ZNF609: variants seen among roughly 807,000 people sequenced by gnomAD.
The protein encoded by ZNF609 is zinc finger protein 609.
Under a neutral mutation model 109.5 loss-of-function variants are expected in ZNF609, and 11 were observed. The ratio of observed to expected loss-of-function variants is 0.10; its 90% CI spans 0.06 to 0.17. The LOEUF (loss-of-function observed/expected upper bound fraction) is 0.17, where lower values mean the gene tolerates loss of function less well. Among genes scored for constraint, ZNF609 ranks in the 10% least tolerant of loss-of-function variants. ZNF609 has a pLI of 1.00. For synonymous variants in ZNF609, 646 were observed against 662.0 expected, an observed-to-expected ratio of 0.98 and a Z score of 0.37; for missense variants, 1,559 against 1,772.4, an observed-to-expected ratio of 0.88 and a Z score of 2.16.
At chr15:64,528,192 G>T (rs1567006014) in intron 2 of ZNF609, among the ~76,000 whole-genome samples, 1 of 151,594 alleles carries the variant, frequency 6.6e-6, no homozygotes, top group South Asian at 2.1e-4. Context: ...CCACCTCCTG[G>T]GTTCAAGCGA....
At chr15:64,659,288 G>T (rs117558120) in intron 3 of ZNF609, among the ~76,000 whole-genome samples, 2 of 152,160 alleles carry the variant, frequency 1.3e-5, no homozygotes, top group African/African-American at 4.8e-5. Flanking sequence ...AACTGTGGTC[G>T]TAGGGAGTTA....
chr15:64,494,771 C>T (rs765441389), intron 1 of ZNF609, among the ~76,000 whole-genome samples: 18 of 152,040 alleles, frequency 1.2e-4, no homozygotes, highest in Non-Finnish European at 1.0e-4. Flanking sequence ...GTAATCCACC[C>T]GTCTAGGCCT....
chr15:64,607,629 C>T (rs954075421), intron 2 of ZNF609, among the ~76,000 whole-genome samples: 2 of 150,866 alleles, frequency 1.3e-5, no homozygotes, highest in East Asian at 3.9e-4. Flanking sequence ...TTCAGCCTCC[C>T]GAGTAGCTGG....
chr15:64,580,209 AAAGC>A (rs1230546719), intron 2 of ZNF609, among the ~76,000 whole-genome samples: 1 of 152,216 alleles, frequency 6.6e-6, no homozygotes, highest in East Asian at 1.9e-4. Context: ...AAGCCTAGAA[AAAGC>A]AAGAAAAATG....
At chr15:64,672,189 T>C (rs1896740660) in intron 4 of ZNF609, among the ~76,000 whole-genome samples, 1 of 150,150 alleles carries the variant, frequency 6.7e-6, no homozygotes, top group Admixed American at 6.6e-5. Context: ...ATTTTTTGTA[T>C]TTTTAGTAGA....
At chr15:64,560,133 C>T (rs1183891891) in intron 2 of ZNF609, among the ~76,000 whole-genome samples, 2 of 152,180 alleles carry the variant, frequency 1.3e-5, no homozygotes, top group Non-Finnish European at 2.9e-5. Flanking sequence ...GAAAACTCCA[C>T]CTCCCAGGTT....
intron 2 of ZNF609, among the ~76,000 whole-genome samples, chr15:64,573,605 C>T (rs1007438387): frequency 1.2e-4 from 18 of 151,764 alleles, no homozygotes; most frequent in African/African-American, 4.3e-4. Context: ...CCTCGTGATC[C>T]GCCCACCTCG....
chr15:64,661,128 AT>A (rs1896569018), intron 3 of ZNF609, among the ~76,000 whole-genome samples: 2 of 151,966 alleles, frequency 1.3e-5, no homozygotes, highest in Admixed American at 6.6e-5. Flanking sequence ...TGTCTGGCTA[AT>A]TTTGGTATTT....
intron 3 of ZNF609, among the ~76,000 whole-genome samples, chr15:64,649,783 G>A (rs1182722133): frequency 6.6e-6 from 1 of 152,118 alleles, no homozygotes; most frequent in African/African-American, 2.4e-5. Context: ...GAGATTAAAA[G>A]GATAGGCAGT....
At chr15:64,681,657 G>A (rs2083210515) in intron 9 of ZNF609, 35 bp from the exon 10 acceptor site, 1 of 359,496 alleles carries the variant, frequency 2.8e-6, no homozygotes, top group Admixed American at 4.1e-5. Context: ...CCAACAGGCT[G>A]AGTGCCTGGT....
At chr15:64,490,244 C>T (rs1893393036) in intron 1 of ZNF609, among the ~76,000 whole-genome samples, 2 of 148,126 alleles carry the variant, frequency 1.4e-5, no homozygotes, top group South Asian at 4.3e-4. Flanking sequence ...AGTACAAAGG[C>T]ATAAGCCACT....
chr15:64,667,199 A>G (rs1896661351), intron 3 of ZNF609, among the ~76,000 whole-genome samples: 1 of 152,240 alleles, frequency 6.6e-6, no homozygotes, highest in Admixed American at 6.5e-5. Context: ...AGGTTACACT[A>G]TAACAAAGCC....
intron 1 of ZNF609, among the ~76,000 whole-genome samples, chr15:64,473,432 C>T (rs1462521629): frequency 1.3e-5 from 2 of 151,662 alleles, no homozygotes; most frequent in African/African-American, 4.8e-5. Context: ...CTGCTGACCT[C>T]GTGATCTGCC....
chr15:64,615,589 C>A (rs1184314087), intron 2 of ZNF609, among the ~76,000 whole-genome samples: 1 of 151,104 alleles, frequency 6.6e-6, no homozygotes, highest in African/African-American at 2.4e-5. Flanking sequence ...TGGGTTCAAG[C>A]GATTCTCCTG....
intron 2 of ZNF609, among the ~76,000 whole-genome samples, chr15:64,538,891 G>A (rs1229138055): frequency 3.3e-5 from 5 of 152,152 alleles, no homozygotes; most frequent in Non-Finnish European, 7.3e-5. Flanking sequence ...CTAGAGTGCA[G>A]TGGTGTGATC....
chr15:64,676,750 T>A (rs1468938795), intron 5 of ZNF609, among the ~76,000 whole-genome samples: 7 of 151,354 alleles, frequency 4.6e-5, no homozygotes, highest in Non-Finnish European at 8.8e-5. Flanking sequence ...TATTTTATTT[T>A]ATTTATTTAT....
rs114685531 is a variant in ZNF609, at chr15:64,482,887, C to T, written c.-127-16406C>T. ...GTGAATTAGCAAACTGATTTTCTGACGGTAAATACTTGCCTAGGTCTACAG... is the reference window on the plus strand; with the variant it reads ...GTGAATTAGCAAACTGATTTTCTGATGGTAAATACTTGCCTAGGTCTACAG... On this transcript the variant is annotated intron_variant, in intron 1 of 9. Coordinates refer to ENST00000326648, the MANE Select transcript of ZNF609 (RefSeq NM_015042.2). Among the ~76,000 whole-genome samples the T allele has an allele frequency of 9.4e-3, 1,437 of 152,146 alleles. 23 individuals carry two copies. Among genetic ancestry groups the T allele is most frequent in the African/African-American group, 0.033 (1,374 of 41,532 alleles).
chr15:64,674,723 C>G lies in ZNF609; in HGVS notation c.1869C>G (p.Ala623=), dbSNP rs768112321. 12 of 1,613,934 alleles carry G rather than the reference C, an allele frequency of 7.4e-6. No homozygotes were observed. Among genetic ancestry groups the G allele is most frequent in the Non-Finnish European group, 1.0e-5 (12 of 1,180,034 alleles). Residue 623 remains alanine, a synonymous_variant, in exon 5 of 10, where the codon GCC becomes GCG. Coordinates refer to ENST00000326648, the MANE Select transcript of ZNF609 (RefSeq NM_015042.2). ...TGATGGATGAAACAAGCAATGATGC[C>G]TTTGATTCTTTAGAAAGGAAGTGTA... is the stretch of plus-strand genomic sequence containing the variant. ...PSVMDETSND[A]FDSLERKCME...
At chr15:64,610,675 T>A (rs1279731537) in intron 2 of ZNF609, among the ~76,000 whole-genome samples, 2 of 152,118 alleles carry the variant, frequency 1.3e-5, no homozygotes, top group African/African-American at 4.8e-5. Flanking sequence ...TTTAAGAATT[T>A]CCATGACCAG....
Sources: gnomAD v4.1 joint callset for allele counts (sites outside exome capture counted in the v4.1 genomes callset) on GRCh38, gnomAD v4.1.1 for gene constraint, MANE v1.5 for transcripts, NCBI Gene and HGNC (gene_info 2026-07-23, HGNC 2026-07-21) for gene names.